Variants in BMPER observed in about 807,000 individuals in gnomAD.
BMPER encodes BMP-binding endothelial regulator protein.
In BMPER, 45 loss-of-function variants were observed where a neutral mutation model predicts 87.3. The observed-to-expected ratio is 0.52, with a 90% confidence interval of 0.41 to 0.66. The LOEUF (loss-of-function observed/expected upper bound fraction) is 0.66, where lower values mean the gene tolerates loss of function less well. Among genes scored for constraint, BMPER ranks in the 30% least tolerant of loss-of-function variants. BMPER has a pLI of 0.00. For synonymous variants in BMPER, 326 were observed against 316.2 expected (o/e 1.03, Z -0.33); for missense variants, 784 against 867.5 (o/e 0.90, Z 1.21).
At chr7:33,966,066 T>G (rs1562656902) in intron 3 of BMPER, among the ~76,000 whole-genome samples, 1 of 152,242 alleles carries the variant, frequency 6.6e-6, no homozygotes, top group Non-Finnish European at 1.5e-5. Flanking sequence ...TTTCTGCTTT[T>G]ATTTTCTATC....
In BMPER at chr7:34,086,096, A is replaced by G. The variant is rs1585817528; in HGVS notation, c.1745+4A>G. On this transcript the variant is annotated splice_donor_region_variant and intron_variant, in intron 13 of 14. Transcript: ENST00000649409. Reference sequence around the variant, plus strand: ...TGGACTACGCCACTTTCTACCGGTAAGTACAGTGTTCTGGGGAATGGTTTT... The same window carrying G: ...TGGACTACGCCACTTTCTACCGGTAGGTACAGTGTTCTGGGGAATGGTTTT... 6.2e-7 allele frequency: 1 copy of G among 1,613,538 alleles called. No homozygotes were observed. The highest frequency in any genetic ancestry group is 2.2e-5 in the East Asian group (1 of 44,860).
chr7:33,934,245 T>G (rs1421481217), intron 2 of BMPER, among the ~76,000 whole-genome samples: 2 of 152,150 alleles, frequency 1.3e-5, no homozygotes, highest in African/African-American at 4.8e-5. Flanking sequence ...TGTGTTTGAA[T>G]TTACTCTGTA....
chr7:34,011,935 A>G (rs1786893863), intron 6 of BMPER, among the ~76,000 whole-genome samples: 1 of 152,028 alleles, frequency 6.6e-6, no homozygotes, highest in African/African-American at 2.4e-5. Context: ...TGAAAAGAAA[A>G]ATCCCAAGAA....
chr7:33,955,338 A>G (rs1025278723), intron 3 of BMPER, among the ~76,000 whole-genome samples: 4 of 152,234 alleles, frequency 2.6e-5, no homozygotes, highest in African/African-American at 9.6e-5. Context: ...GACTTCCAGA[A>G]GACTCTGTAC....
intron 6 of BMPER, among the ~76,000 whole-genome samples, chr7:34,033,108 C>T (rs1257172560): frequency 2.6e-5 from 4 of 152,128 alleles, no homozygotes; most frequent in Non-Finnish European, 5.9e-5. Context: ...CTATTTTCTA[C>T]CTCAAGAATT....
chr7:33,926,375 C>T (rs1234344041), intron 2 of BMPER, among the ~76,000 whole-genome samples: 1 of 152,140 alleles, frequency 6.6e-6, no homozygotes, highest in African/African-American at 2.4e-5. Context: ...TGTGATGGAA[C>T]CCTTGTTAAA....
chr7:33,917,434 G>A (rs1784111845), intron 2 of BMPER, among the ~76,000 whole-genome samples: 1 of 151,880 alleles, frequency 6.6e-6, no homozygotes. Context: ...GGTAATGGGT[G>A]GTACTAACCT....
intron 8 of BMPER, among the ~76,000 whole-genome samples, chr7:34,054,446 T>C (rs1272001549): frequency 6.6e-6 from 1 of 152,254 alleles, no homozygotes; most frequent in Non-Finnish European, 1.5e-5. Context: ...ATAATTTCTA[T>C]GTGCCAGGTA....
chr7:33,918,906 G>T (rs1228517146), intron 2 of BMPER, among the ~76,000 whole-genome samples: 1 of 152,152 alleles, frequency 6.6e-6, no homozygotes, highest in Non-Finnish European at 1.5e-5. Context: ...TGGCTGGCAG[G>T]GAAGGGGGCA....
intron 12 of BMPER, among the ~76,000 whole-genome samples, chr7:34,085,466 A>C (rs1380446946): frequency 2.0e-5 from 3 of 152,226 alleles, no homozygotes; most frequent in African/African-American, 4.8e-5. Flanking sequence ...ACCCTAGAAT[A>C]GGATGTCAAG....
At chr7:34,075,009 T>TG (rs1788827324) in intron 11 of BMPER, among the ~76,000 whole-genome samples, 1 of 144,272 alleles carries the variant, frequency 6.9e-6, no homozygotes, top group Non-Finnish European at 1.6e-5. Flanking sequence ...CAGTTTCTCT[T>TG]ATTTTTTTTT....
At chr7:34,046,009 TCATCC>T in intron 6 of BMPER, among the ~76,000 whole-genome samples, 1 of 152,158 alleles carries the variant, frequency 6.6e-6, no homozygotes, top group South Asian at 2.1e-4. Flanking sequence ...AGAGTTTTGA[TCATCC>T]TATACCTACT....
intron 2 of BMPER, among the ~76,000 whole-genome samples, chr7:33,931,134 G>A (rs901479743): frequency 1.3e-5 from 2 of 152,218 alleles, no homozygotes; most frequent in African/African-American, 4.8e-5. Flanking sequence ...GGGCAGAAAC[G>A]TGGCAGGAGA....
At chr7:34,147,828 A>G (rs1303746762) in intron 14 of BMPER, among the ~76,000 whole-genome samples, 20 of 152,146 alleles carry the variant, frequency 1.3e-4, no homozygotes, top group Admixed American at 1.3e-3. Context: ...TGTGCCCATC[A>G]CATCACACCT....
intron 13 of BMPER, among the ~76,000 whole-genome samples, chr7:34,093,327 G>T (rs1042854637): frequency 6.6e-6 from 1 of 152,166 alleles, no homozygotes; most frequent in African/African-American, 2.4e-5. Flanking sequence ...ATTGGAACCC[G>T]ATCGCATGCC....
At chr7:33,977,328 T>C (rs1463458390) in intron 6 of BMPER, among the ~76,000 whole-genome samples, 1 of 151,650 alleles carries the variant, frequency 6.6e-6, no homozygotes, top group Non-Finnish European at 1.5e-5. Context: ...TTGAGGATGG[T>C]AACTGTGGAG....
chr7:34,054,330 GAA>G (rs1406905323), intron 8 of BMPER, among the ~76,000 whole-genome samples: 1 of 152,082 alleles, frequency 6.6e-6, no homozygotes, highest in East Asian at 1.9e-4. Context: ...GATCTACGGT[GAA>G]ATATGCATTG....
intron 6 of BMPER, among the ~76,000 whole-genome samples, chr7:33,988,225 T>G (rs1562671379): frequency 6.6e-6 from 1 of 152,182 alleles, no homozygotes; most frequent in Non-Finnish European, 1.5e-5. Context: ...GTGATGAATG[T>G]GATTGGCAAA....
At chr7:33,916,869 C>CG (rs1321811169) in intron 2 of BMPER, among the ~76,000 whole-genome samples, 4 of 151,986 alleles carry the variant, frequency 2.6e-5, no homozygotes, top group Non-Finnish European at 5.9e-5. Flanking sequence ...GATAGCTCCC[C>CG]CCAGAATGGA....
Sources: allele counts gnomAD v4.1 joint callset (sites outside exome capture counted in the v4.1 genomes callset), GRCh38; gene constraint gnomAD v4.1.1; transcripts MANE v1.5; gene names NCBI Gene and HGNC (gene_info 2026-07-23, HGNC 2026-07-21).